Variants in EVA1C observed in about 807,000 individuals in gnomAD.
The protein encoded by EVA1C is eva-1 homolog C.
Under a neutral mutation model 45.4 loss-of-function variants are expected in EVA1C, and 25 were observed. The observed-to-expected ratio is 0.55, with a 90% CI of 0.40 to 0.77. The LOEUF is 0.77. Ranked by LOEUF, EVA1C falls within the 30% of genes least tolerant of loss-of-function variation. EVA1C has a pLI of 0.00. For missense variants in EVA1C, 479 were observed against 554.8 expected (o/e 0.86, Z 1.37); for synonymous variants, 190 against 221.2 (o/e 0.86, Z 1.25).
chr21:32,457,322 G>GA, intron 2 of EVA1C, among the ~76,000 whole-genome samples: 1 of 152,354 alleles, frequency 6.6e-6, no homozygotes, highest in African/African-American at 2.4e-5. Flanking sequence ...CAGTGCCTTT[G>GA]CTGAAAGTAG....
At chr21:32,475,340 T>TATC (rs61177845) in intron 4 of EVA1C, among the ~76,000 whole-genome samples, 30,556 of 150,852 alleles carry the variant, frequency 0.2, 3,649 homozygotes, top group African/African-American at 0.33. Context: ...TCTTCTAAAA[T>TATC]ATCATCATCA....
At chr21:32,425,550 C>A (rs1054071638) in intron 1 of EVA1C, among the ~76,000 whole-genome samples, 4 of 152,042 alleles carry the variant, frequency 2.6e-5, no homozygotes, top group African/African-American at 9.7e-5. Context: ...GGCAAAAGGT[C>A]TTTTCTTGTC....
intron 1 of EVA1C, among the ~76,000 whole-genome samples, chr21:32,436,677 T>C (rs2034965123): frequency 6.6e-6 from 1 of 152,302 alleles, no homozygotes; most frequent in Non-Finnish European, 1.5e-5. Flanking sequence ...GACTCCGTTG[T>C]GGACATAGTA....
At chr21:32,511,869 A>C (rs954986099) in intron 7 of EVA1C, among the ~76,000 whole-genome samples, 1 of 152,212 alleles carries the variant, frequency 6.6e-6, no homozygotes, top group Non-Finnish European at 1.5e-5. Context: ...ATCATCCACA[A>C]AAGCAGAAAC....
intron 6 of EVA1C, 61 bp downstream of exon 6, chr21:32,501,556 G>C: frequency 6.3e-7 from 1 of 1,579,488 alleles, no homozygotes; most frequent in South Asian, 1.2e-5. Flanking sequence ...GCCCCTGGGT[G>C]ACCACAGTTG....
chr21:32,514,906 G>A lies in EVA1C; in HGVS notation c.1042G>A (p.Ala348Thr), dbSNP rs1195966393. 6.2e-7 allele frequency: 1 copy of A among 1,614,070 alleles called. No individual in the cohort carries two copies. Among genetic ancestry groups the A allele is most frequent in the Non-Finnish European group, 8.5e-7 (1 of 1,180,024 alleles). Residue 348 changes from alanine (A) to threonine (T), a missense_variant, in exon 8 of 8, where the codon GCC (alanine) becomes ACC (threonine). By Grantham distance (58) the Ala-to-Thr change is moderately conservative. This residue lies in a region of EVA1C where 366 missense variants were observed against 426.1 expected (regional missense o/e 0.86). Transcript: ENST00000300255. ...CGCCCTGGTCATCAGAGAGTCCTGT[G>A]CCAAGGACTTCCGCGACTTGCAGCT... ...LCALVIRESC[A>T]KDFRDLQLGR... is the part of the protein sequence containing the mutation.
intron 4 of EVA1C, 67 bp downstream of exon 4, chr21:32,467,915 T>TAG: frequency 9.9e-6 from 9 of 913,402 alleles, no homozygotes; most frequent in Non-Finnish European, 1.3e-5. Flanking sequence ...AATATATATA[T>TAG]ATATATCCTA....
rs144435629 is a variant in EVA1C, at chr21:32,495,204, C to T, written c.778+34C>T. The stretch of plus-strand genomic sequence containing the variant: ...ACACCCCCGACCAGCTGCCTGATGA[C>T]ACTGCCTCTTTTGGGGGAGGGTGGT... On this transcript the variant is annotated intron_variant, in intron 5 of 7. Transcript: ENST00000300255. 1.1e-4 allele frequency: 176 copies of T among 1,607,272 alleles called. 1 individual carries two copies. In the East Asian group the frequency reaches 3.9e-3, roughly 36 times the overall value.
chr21:32,477,719 ACCTCCCCCGTACGCCCTCC>A (rs1208679126), intron 4 of EVA1C, among the ~76,000 whole-genome samples: 20 of 11,506 alleles, frequency 1.7e-3, no homozygotes, highest in African/African-American at 2.5e-3. Context: ...GTACGCCCTC[ACCTCCCCCGTACGCCCTCC>A]CCTCCCCTCC....
intron 3 of EVA1C, among the ~76,000 whole-genome samples, chr21:32,460,701 G>C (rs2035964947): frequency 6.6e-6 from 1 of 152,094 alleles, no homozygotes; most frequent in Non-Finnish European, 1.5e-5. Flanking sequence ...TTCCAGGTAG[G>C]GTCAGGGCTT....
intron 5 of EVA1C, chr21:32,497,373 C>T (rs2037387046): frequency 2.6e-6 from 1 of 392,054 alleles, no homozygotes; most frequent in Non-Finnish European, 4.7e-6. Context: ...CTGGGGAAAA[C>T]TTTTTTCAGG....
At chr21:32,436,264 ATGT>A (rs1231474178) in intron 1 of EVA1C, among the ~76,000 whole-genome samples, 1 of 152,100 alleles carries the variant, frequency 6.6e-6, no homozygotes, top group African/African-American at 2.4e-5. Context: ...GGGTTTCGCC[ATGT>A]TGGCCAGGCT....
chr21:32,447,527 T>C (rs2035407864), intron 1 of EVA1C, among the ~76,000 whole-genome samples: 1 of 115,514 alleles, frequency 8.7e-6, no homozygotes, highest in Non-Finnish European at 1.8e-5. Flanking sequence ...TACAGCTATG[T>C]TTCTCTTTTT....
chr21:32,413,123 A>G (rs961985049), intron 1 of EVA1C, 110 bp downstream of exon 1: 36 of 954,400 alleles, frequency 3.8e-5, no homozygotes, highest in Middle Eastern at 4.6e-4. Flanking sequence ...ATTAAAGTTG[A>G]GGCGTGCTCA....
chr21:32,454,166 T>C (rs2035692639), intron 2 of EVA1C, among the ~76,000 whole-genome samples: 2 of 152,040 alleles, frequency 1.3e-5, no homozygotes, highest in Admixed American at 1.3e-4. Context: ...GAGGCGGAGG[T>C]TGCAGTAAGC....
At chr21:32,413,406 C>A (rs993427680) in intron 1 of EVA1C, among the ~76,000 whole-genome samples, 2 of 152,230 alleles carry the variant, frequency 1.3e-5, no homozygotes, top group Admixed American at 1.3e-4. Context: ...ACCCGCGTAG[C>A]CCGTTTGCCC....
At chr21:32,480,835 T>C (rs2146349646) in intron 4 of EVA1C, among the ~76,000 whole-genome samples, 2 of 151,952 alleles carry the variant, frequency 1.3e-5, no homozygotes, top group Middle Eastern at 3.4e-3. Context: ...TGGTGGCAGA[T>C]GCCTGTAATC....
In EVA1C at chr21:32,495,110, C is replaced by T; in HGVS notation, c.718C>T (p.His240Tyr). 1 of 1,614,100 alleles carries T rather than the reference C, an allele frequency of 6.2e-7. No individual in the cohort carries two copies. The highest frequency in any genetic ancestry group is 8.5e-7 in the Non-Finnish European group (1 of 1,180,022). The change falls in exon 5 of 8, where the codon CAT becomes TAT. Residue 240 changes from histidine to tyrosine, a missense_variant. Physicochemically the swap from His to Tyr is moderately conservative, Grantham distance 83. Coordinates refer to ENST00000300255, the MANE Select transcript of EVA1C (RefSeq NM_058187.5). ...QRCKIIVNNH[H>Y]FGSPCLPGVK... ...ATGCAAAATCATCGTCAACAATCAC[C>T]ATTTTGGAAGCCCCTGTTTGCCAGG... is the stretch of plus-strand genomic sequence containing the variant.
At chr21:32,470,385 A>G (rs925101733) in intron 4 of EVA1C, among the ~76,000 whole-genome samples, 1 of 152,226 alleles carries the variant, frequency 6.6e-6, no homozygotes, top group South Asian at 2.1e-4. Flanking sequence ...GCAGACTGCA[A>G]AAGCAGGCTG....
Sources: allele counts gnomAD v4.1 joint callset (sites outside exome capture counted in the v4.1 genomes callset), GRCh38; gene constraint gnomAD v4.1.1; regional missense constraint gnomAD v4.1.1; transcripts MANE v1.5; gene names NCBI Gene and HGNC (gene_info 2026-07-23, HGNC 2026-07-21).